The following SMYD3 variants were observed in gnomAD, a reference collection of about 807,000 sequenced individuals.
SMYD3 encodes histone-lysine N-methyltransferase SMYD3.
A neutral mutation model predicts 57.7 loss-of-function variants in SMYD3; 36 were observed. The observed-to-expected ratio is 0.62, with a 90% CI of 0.48 to 0.82. The LOEUF is 0.82. Among genes scored for constraint, SMYD3 ranks in the 40% least tolerant of loss-of-function variants. SMYD3 has a pLI of 0.00. For synonymous variants in SMYD3, 211 were observed against 195.0 expected, an observed-to-expected ratio of 1.08 and a Z score of -0.68; for missense variants, 515 against 538.8, an observed-to-expected ratio of 0.96 and a Z score of 0.44.
chr1:246,165,409 G>A (rs10802341), intron 5 of SMYD3, among the ~76,000 whole-genome samples: 51,928 of 151,894 alleles, frequency 0.34, 10,576 homozygotes, highest in African/African-American at 0.55. Context: ...GGCTAAAAAA[G>A]GTGAAAATAA....
chr1:246,125,672 C>T (rs933777579), intron 5 of SMYD3, among the ~76,000 whole-genome samples: 1 of 151,532 alleles, frequency 6.6e-6, no homozygotes, highest in Non-Finnish European at 1.5e-5. Context: ...AATAAAAGAC[C>T]CTTTGGTAAA....
At chr1:246,092,311 T>C (rs1316239371) in intron 5 of SMYD3, among the ~76,000 whole-genome samples, 2 of 152,072 alleles carry the variant, frequency 1.3e-5, no homozygotes, top group African/African-American at 4.8e-5. Flanking sequence ...CCAAGACCCA[T>C]CAGAAAAGAG....
At chr1:246,501,664 C>A (rs528216031) in intron 1 of SMYD3, among the ~76,000 whole-genome samples, 2 of 152,324 alleles carry the variant, frequency 1.3e-5, no homozygotes, top group East Asian at 3.9e-4. Flanking sequence ...ACAACTTCAA[C>A]TTCCCGTCCC....
At chr1:246,159,905 A>C (rs899437647) in intron 5 of SMYD3, among the ~76,000 whole-genome samples, 2 of 152,038 alleles carry the variant, frequency 1.3e-5, no homozygotes, top group Non-Finnish European at 2.9e-5. Flanking sequence ...TAGGCCCAAG[A>C]GATCTTCCTG....
chr1:246,079,188 C>G (rs1050672181), intron 5 of SMYD3, among the ~76,000 whole-genome samples: 1 of 152,116 alleles, frequency 6.6e-6, no homozygotes, highest in Admixed American at 6.6e-5. Context: ...AGAGCAGATT[C>G]ACATCATATG....
intron 10 of SMYD3, among the ~76,000 whole-genome samples, chr1:245,828,076 C>T (rs1188527023): frequency 6.6e-6 from 1 of 152,126 alleles, no homozygotes; most frequent in Non-Finnish European, 1.5e-5. Flanking sequence ...AAAAGGAATA[C>T]TGAACAGAAA....
At chr1:246,329,701 T>A (rs1161080609) in intron 4 of SMYD3, among the ~76,000 whole-genome samples, 6 of 152,218 alleles carry the variant, frequency 3.9e-5, no homozygotes, top group African/African-American at 1.4e-4. Context: ...TTTAATCAGA[T>A]CCCATTTGTC....
intron 1 of SMYD3, among the ~76,000 whole-genome samples, chr1:246,489,153 T>C (rs2068232019): frequency 6.6e-6 from 1 of 152,052 alleles, no homozygotes; most frequent in African/African-American, 2.4e-5. Flanking sequence ...GAGATCATCC[T>C]GGCTAACATG....
intron 5 of SMYD3, among the ~76,000 whole-genome samples, chr1:246,135,691 C>T (rs1406043322): frequency 6.6e-6 from 1 of 151,994 alleles, no homozygotes. Flanking sequence ...ATTATATATG[C>T]ATAATGTATA....
chr1:245,814,877 C>T (rs866380455), intron 10 of SMYD3, among the ~76,000 whole-genome samples: 65 of 151,806 alleles, frequency 4.3e-4, no homozygotes, highest in African/African-American at 1.5e-3. Flanking sequence ...CACACACGCA[C>T]GCACACACGC....
chr1:246,385,637 A>G (rs993956109), intron 1 of SMYD3, among the ~76,000 whole-genome samples: 1 of 152,186 alleles, frequency 6.6e-6, no homozygotes, highest in African/African-American at 2.4e-5. Flanking sequence ...CCCCGTATAA[A>G]TAGTACTGCC....
chr1:245,958,570 T>C (rs192169614), intron 5 of SMYD3, among the ~76,000 whole-genome samples: 161 of 152,306 alleles, frequency 1.1e-3, no homozygotes, highest in African/African-American at 3.6e-3. Context: ...CATTCTCCAG[T>C]CTGATTTAGG....
intron 1 of SMYD3, among the ~76,000 whole-genome samples, chr1:246,401,182 A>T (rs1470123940): frequency 6.6e-6 from 1 of 152,156 alleles, no homozygotes; most frequent in African/African-American, 2.4e-5. Flanking sequence ...CAAATGGAAA[A>T]AAGCTGATGA....
At chr1:246,151,733 G>A (rs1349724996) in intron 5 of SMYD3, among the ~76,000 whole-genome samples, 3 of 152,176 alleles carry the variant, frequency 2.0e-5, no homozygotes, top group Non-Finnish European at 4.4e-5. Context: ...AACCCCAGAA[G>A]TAGATTCAAT....
chr1:246,078,926 G>A (rs1356140969), intron 5 of SMYD3, among the ~76,000 whole-genome samples: 1 of 152,082 alleles, frequency 6.6e-6, no homozygotes, highest in Non-Finnish European at 1.5e-5. Context: ...TCATCAGACA[G>A]AAGAATGTCT....
chr1:245,942,248 G>A (rs1275747639), intron 5 of SMYD3, among the ~76,000 whole-genome samples: 1 of 152,114 alleles, frequency 6.6e-6, no homozygotes. Context: ...CACGTGCAAA[G>A]ACACACGCAG....
chr1:246,391,242 C>G (rs1208368939), intron 1 of SMYD3, among the ~76,000 whole-genome samples: 1 of 145,200 alleles, frequency 6.9e-6, no homozygotes, highest in Non-Finnish European at 1.5e-5. Context: ...AAAAAAGGCA[C>G]AGTGGCATGC....
At chr1:246,201,300 C>G (rs568380351) in intron 5 of SMYD3, among the ~76,000 whole-genome samples, 1 of 152,136 alleles carries the variant, frequency 6.6e-6, no homozygotes, top group Non-Finnish European at 1.5e-5. Context: ...TGGCAGTCAA[C>G]CTTATTAATA....
At chr1:246,013,877 G>A (rs2059329644) in intron 5 of SMYD3, among the ~76,000 whole-genome samples, 1 of 152,138 alleles carries the variant, frequency 6.6e-6, no homozygotes, top group South Asian at 2.1e-4. Context: ...GGTTGGACAA[G>A]TACCCTCAAG....
Sources: gnomAD v4.1 joint callset for allele counts (sites outside exome capture counted in the v4.1 genomes callset) on GRCh38, gnomAD v4.1.1 for gene constraint, MANE v1.5 for transcripts, NCBI Gene and HGNC (gene_info 2026-07-23, HGNC 2026-07-21) for gene names.